The following BMP5 variants were observed in gnomAD, a reference collection of about 807,000 sequenced individuals.
BMP5 encodes the protein bone morphogenetic protein 5.
Under a neutral mutation model 46.6 loss-of-function variants are expected in BMP5, and 23 were observed. The ratio of observed to expected loss-of-function variants is 0.49; its 90% confidence interval spans 0.35 to 0.70. The LOEUF (loss-of-function observed/expected upper bound fraction) is 0.70, where lower values mean the gene tolerates loss of function less well. BMP5 is among the 30% of genes least tolerant of loss of function. BMP5 has a pLI of 0.00. For synonymous variants in BMP5, 204 were observed against 191.9 expected (o/e 1.06, Z -0.52); for missense variants, 545 against 565.6 (o/e 0.96, Z 0.37).
intron 1 of BMP5, among the ~76,000 whole-genome samples, chr6:55,848,643 G>T (rs1582116535): frequency 6.6e-6 from 1 of 151,846 alleles, no homozygotes; most frequent in East Asian, 1.9e-4. Context: ...TGTGGTCCGT[G>T]GATGATCATA....
chr6:55,774,464 C>T (rs1775123790), intron 3 of BMP5, among the ~76,000 whole-genome samples: 1 of 151,918 alleles, frequency 6.6e-6, no homozygotes, highest in Non-Finnish European at 1.5e-5. Flanking sequence ...ACAGAATACC[C>T]TCCAGCTGCT....
intron 2 of BMP5, among the ~76,000 whole-genome samples, chr6:55,801,784 T>C (rs1775854612): frequency 2.0e-5 from 3 of 152,220 alleles, no homozygotes; most frequent in South Asian, 4.1e-4. Flanking sequence ...TTGTCCATGA[T>C]GCTTCTCCCC....
intron 4 of BMP5, among the ~76,000 whole-genome samples, chr6:55,761,821 C>A (rs1774789736): frequency 6.6e-6 from 1 of 151,978 alleles, no homozygotes; most frequent in Non-Finnish European, 1.5e-5. Context: ...CTGTTTCCTC[C>A]CACTAAAATA....
At chr6:55,865,321 G>A (rs1777614146) in intron 1 of BMP5, 1 of 425,948 alleles carries the variant, frequency 2.3e-6, no homozygotes, top group East Asian at 7.1e-5. Flanking sequence ...CTTCTAATTA[G>A]TTTCCCCTCC....
chr6:55,812,661 G>A (rs958608146), intron 2 of BMP5, among the ~76,000 whole-genome samples: 4 of 152,110 alleles, frequency 2.6e-5, no homozygotes, highest in Non-Finnish European at 4.4e-5. Flanking sequence ...GAGTTTAACT[G>A]AAAATACGAA....
chr6:55,775,882 C>T (rs535540329), intron 3 of BMP5, among the ~76,000 whole-genome samples: 10 of 149,404 alleles, frequency 6.7e-5, no homozygotes, highest in African/African-American at 1.7e-4. Flanking sequence ...TTGAGAGGGA[C>T]GGACACAGGG....
intron 4 of BMP5, among the ~76,000 whole-genome samples, chr6:55,763,781 A>G (rs997452770): frequency 6.6e-4 from 100 of 152,196 alleles, no homozygotes; most frequent in Non-Finnish European, 7.5e-4. Context: ...GTCTCTTAAT[A>G]GTAATAATAT....
intron 4 of BMP5, among the ~76,000 whole-genome samples, chr6:55,765,339 C>A (rs1774893855): frequency 6.6e-6 from 1 of 152,002 alleles, no homozygotes; most frequent in Non-Finnish European, 1.5e-5. Context: ...TTAACCATGA[C>A]AACAGCTTCA....
intron 1 of BMP5, among the ~76,000 whole-genome samples, chr6:55,835,044 C>G (rs1776756873): frequency 6.6e-6 from 1 of 151,604 alleles, no homozygotes; most frequent in African/African-American, 2.4e-5. Context: ...CGAAGTTGTG[C>G]CATTGCTCTC....
chr6:55,808,995 G>T (rs1031920872), intron 2 of BMP5, among the ~76,000 whole-genome samples: 3 of 152,026 alleles, frequency 2.0e-5, no homozygotes, highest in African/African-American at 4.8e-5. Context: ...AGATGGAGTT[G>T]GTGCCTGCTT....
chr6:55,780,463 AAAAAAAAAAAG>A (rs1339548695), intron 3 of BMP5, among the ~76,000 whole-genome samples: 1 of 144,396 alleles, frequency 6.9e-6, no homozygotes, highest in Non-Finnish European at 1.5e-5. Flanking sequence ...TACTAAAAAA[AAAAAAAAAAAG>A]AAAGAAAGAA....
rs527842480 is a variant in BMP5 at position 55,764,251 on chromosome 6, T to C, written c.1028-3718A>G. 3.3e-5 allele frequency among the ~76,000 whole-genome samples: 5 copies of C among 152,256 alleles called. No individual in the cohort carries two copies. In the South Asian group the frequency reaches 1.0e-3, roughly 32 times the overall value. On this transcript the variant is annotated intron_variant, in intron 4 of 6. Coordinates refer to ENST00000370830, the MANE Select transcript of BMP5 (RefSeq NM_021073.4). ...ATGGATAAAGAAAATGTGGTACATATACACAACAGCTTATTATTCAGCCAT... is the reference window on the plus strand; with the variant it reads ...ATGGATAAAGAAAATGTGGTACATACACACAACAGCTTATTATTCAGCCAT...
intron 1 of BMP5, among the ~76,000 whole-genome samples, chr6:55,840,818 C>T (rs1016077645): frequency 6.6e-6 from 1 of 152,148 alleles, no homozygotes; most frequent in African/African-American, 2.4e-5. Flanking sequence ...TTTTAAACTG[C>T]TTAAAGATGA....
chr6:55,822,659 A>T (rs1276378672), intron 1 of BMP5, among the ~76,000 whole-genome samples: 1 of 152,158 alleles, frequency 6.6e-6, no homozygotes, highest in Non-Finnish European at 1.5e-5. Context: ...GATCCAACCT[A>T]AAGTGTGCAC....
intron 2 of BMP5, among the ~76,000 whole-genome samples, chr6:55,802,642 G>T (rs540003357): frequency 6.6e-6 from 1 of 151,948 alleles, no homozygotes; most frequent in Non-Finnish European, 1.5e-5. Context: ...CTGCAACCAT[G>T]TGACTAGCTG....
chr6:55,811,914 T>A (rs1382166567), intron 2 of BMP5, among the ~76,000 whole-genome samples: 1 of 152,210 alleles, frequency 6.6e-6, no homozygotes, highest in Non-Finnish European at 1.5e-5. Flanking sequence ...CATTGTATTA[T>A]AGTTATTAAA....
intron 1 of BMP5, among the ~76,000 whole-genome samples, chr6:55,824,735 A>C (rs1776490460): frequency 6.6e-6 from 1 of 151,854 alleles, no homozygotes; most frequent in African/African-American, 2.4e-5. Context: ...GTGTCAATCA[A>C]TTTGCTTCTA....
intron 2 of BMP5, among the ~76,000 whole-genome samples, chr6:55,799,667 G>A (rs1162318727): frequency 6.6e-6 from 1 of 152,088 alleles, no homozygotes; most frequent in Admixed American, 6.5e-5. Context: ...TCTGCCTTTA[G>A]GTCAAACAAC....
intron 1 of BMP5, among the ~76,000 whole-genome samples, chr6:55,845,233 T>G (rs1300213037): frequency 6.6e-6 from 1 of 152,074 alleles, no homozygotes; most frequent in Non-Finnish European, 1.5e-5. Flanking sequence ...AAATTTCAGT[T>G]TCATAACTAA....
Sources: allele counts gnomAD v4.1 joint callset (sites outside exome capture counted in the v4.1 genomes callset), GRCh38; gene constraint gnomAD v4.1.1; transcripts MANE v1.5; gene names NCBI Gene and HGNC (gene_info 2026-07-23, HGNC 2026-07-21).